PRRC1: variants seen among roughly 807,000 people sequenced by gnomAD.
PRRC1 encodes the protein proline rich coiled-coil 1.
A neutral mutation model predicts 40.7 loss-of-function variants in PRRC1; 39 were observed. The ratio of observed to expected loss-of-function variants is 0.96; its 90% CI spans 0.74 to 1.25. PRRC1 has a LOEUF of 1.25. PRRC1 is among the 50% of genes most tolerant of loss of function. PRRC1 has a pLI of 0.00. For synonymous variants in PRRC1, 175 were observed against 193.3 expected, an observed-to-expected ratio of 0.91 and a Z score of 0.79; for missense variants, 573 against 548.3, an observed-to-expected ratio of 1.05 and a Z score of -0.45.
intron 7 of PRRC1, among the ~76,000 whole-genome samples, chr5:127,539,480 G>A (rs888903143): frequency 6.6e-6 from 1 of 152,024 alleles, no homozygotes; most frequent in Non-Finnish European, 1.5e-5. Context: ...ATTCAAAGTC[G>A]TGGAATATAT....
At chr5:127,529,449 C>T (rs1025601971) in intron 4 of PRRC1, among the ~76,000 whole-genome samples, 2 of 152,058 alleles carry the variant, frequency 1.3e-5, no homozygotes, top group African/African-American at 4.8e-5. Context: ...CCCAGTTCAA[C>T]TCTATAGGTC....
In PRRC1 at chr5:127,553,678, C is replaced by A. The variant is rs435795; in HGVS notation, c.*1762C>A. The A allele has an allele frequency of 7.5e-6, 11 of 1,475,508 alleles. No homozygotes were observed. The highest frequency in any genetic ancestry group is 9.8e-6 in the Non-Finnish European group (11 of 1,119,092). The allele number at this position is 1,475,508 out of a possible 1,614,324, so 91.4% of individuals were successfully genotyped here. On this transcript the variant is annotated 3_prime_UTR_variant, in exon 9 of 9. Transcript: ENST00000296666. ...ACTTTCCCTCCTATTATAAGGAAAT[C>A]TTACAGATTCTAAAAATACCTTAAT... is the stretch of plus-strand genomic sequence containing the variant.
chr5:127,538,960 A>T (rs921626976), intron 6 of PRRC1, 80 bp from the exon 7 acceptor site: 5 of 929,966 alleles, frequency 5.4e-6, no homozygotes, highest in Non-Finnish European at 8.4e-6. Flanking sequence ...AAATGTATGC[A>T]TGTATTGTGT....
At chr5:127,521,619 C>T (rs1243818587) in intron 1 of PRRC1, among the ~76,000 whole-genome samples, 3 of 152,214 alleles carry the variant, frequency 2.0e-5, no homozygotes, top group Non-Finnish European at 2.9e-5. Context: ...TTTTGTGGCA[C>T]CGAAAATTTA....
chr5:127,533,843 A>G lies in PRRC1; in HGVS notation c.921+57A>G, dbSNP rs766377995. On this transcript the variant is annotated intron_variant, in intron 6 of 8. Transcript: ENST00000296666. Reference sequence around the variant, plus strand: ...GAAACTGGCATTTAATTTTTTCACAATTCTGATAATCTGTTGTCTCTATGG... The same window carrying G: ...GAAACTGGCATTTAATTTTTTCACAGTTCTGATAATCTGTTGTCTCTATGG... The G allele has an allele frequency of 5.8e-6, 9 of 1,561,758 alleles. No homozygotes were observed. In the Admixed American group the frequency reaches 6.7e-5, roughly 12 times the overall value.
chr5:127,554,012 G>T lies in PRRC1; in HGVS notation c.*2096G>T, dbSNP rs552313152. ...GGCCCAGAGTTTTTGAAAAGCAGCG[G>T]AGCATGACTGACTTCACATGCTCAG... On this transcript the variant is annotated 3_prime_UTR_variant, in exon 9 of 9. Coordinates refer to ENST00000296666, the MANE Select transcript of PRRC1 (RefSeq NM_130809.5). 9.5e-7 allele frequency: 1 copy of T among 1,047,348 alleles called. No homozygotes were observed. Among genetic ancestry groups the T allele is most frequent in the South Asian group, 1.7e-5 (1 of 57,342 alleles). The allele number at this position is 1,047,348 out of a possible 1,614,324, so 64.9% of individuals were successfully genotyped here. A position where few individuals can be genotyped will look rare whatever the true frequency, so the allele number is the denominator to read the frequency against.
chr5:127,536,258 G>T (rs998429360), intron 6 of PRRC1, among the ~76,000 whole-genome samples: 9 of 151,126 alleles, frequency 6.0e-5, no homozygotes, highest in African/African-American at 2.2e-4. Context: ...TTTAGCAAAG[G>T]TAACTGACGG....
At chr5:127,540,091 A>G (rs1399490021) in intron 7 of PRRC1, among the ~76,000 whole-genome samples, 1 of 152,140 alleles carries the variant, frequency 6.6e-6, no homozygotes, top group Admixed American at 6.5e-5. Context: ...GTCAGTGATT[A>G]TATCAACTTG....
chr5:127,547,387 T>G (rs1395622685), intron 7 of PRRC1, among the ~76,000 whole-genome samples: 1 of 152,076 alleles, frequency 6.6e-6, no homozygotes, highest in African/African-American at 2.4e-5. Flanking sequence ...TATTTTTTAA[T>G]TTGTTAGTAA....
chr5:127,521,529 C>T (rs758143014), intron 1 of PRRC1, among the ~76,000 whole-genome samples: 1 of 152,116 alleles, frequency 6.6e-6, no homozygotes, highest in Non-Finnish European at 1.5e-5. Context: ...CTTGACATTG[C>T]TCCATCTGTG....
intron 7 of PRRC1, 66 bp downstream of exon 7, chr5:127,539,209 T>A: frequency 1.7e-6 from 2 of 1,161,422 alleles, no homozygotes; most frequent in Non-Finnish European, 1.3e-6. Flanking sequence ...ACTGAATACT[T>A]AGCAAAAAGT....
In PRRC1 at chr5:127,553,650, G is replaced by T; in HGVS notation, c.*1734G>T. The stretch of plus-strand genomic sequence containing the variant: ...GCATGTCCTTACTTAAAATAGTTCT[G>T]CTACTTTCCCTCCTATTATAAGGAA... On this transcript the variant is annotated 3_prime_UTR_variant, in exon 9 of 9. Transcript: ENST00000296666. The T allele has an allele frequency of 7.0e-7, 1 of 1,432,080 alleles. No individual in the cohort carries two copies. The highest frequency in any genetic ancestry group is 1.4e-5 in the South Asian group (1 of 69,948). The allele number at this position is 1,432,080 out of a possible 1,614,324, so 88.7% of individuals were successfully genotyped here.
intron 6 of PRRC1, among the ~76,000 whole-genome samples, chr5:127,537,136 G>A (rs1399036973): frequency 6.6e-6 from 1 of 151,478 alleles, no homozygotes; most frequent in Non-Finnish European, 1.5e-5. Flanking sequence ...TATGACTACT[G>A]TTTTATATAG....
In PRRC1 at chr5:127,539,159, T is replaced by G; in HGVS notation, c.1025+16T>G. The G allele has an allele frequency of 6.3e-7, 1 of 1,597,110 alleles. No individual in the cohort carries two copies. On this transcript the variant is annotated intron_variant, in intron 7 of 8. Transcript: ENST00000296666. ...TGCCTGACAAGTAAGTGTATTATGT[T>G]TCTCTTGGAAGCAAAATATAATTGG...
At chr5:127,528,266 C>T (rs1385720075) in intron 4 of PRRC1, among the ~76,000 whole-genome samples, 2 of 152,048 alleles carry the variant, frequency 1.3e-5, no homozygotes, top group Admixed American at 6.6e-5. Flanking sequence ...AGTTCAATTT[C>T]AGGAGTCAGT....
rs761323153 is a variant in PRRC1 at position 127,526,734 on chromosome 5, G to A, written c.610G>A (p.Gly204Ser). ...GCAAGAAGACCCTAGAATTACTAGAGGTCAGGATGAAGCATCTGCTGGTGG... is the reference window on the plus strand; with the variant it reads ...GCAAGAAGACCCTAGAATTACTAGAAGTCAGGATGAAGCATCTGCTGGTGG... ...EEQEDPRITR[G>S]QDEASAGGIW... The change falls in exon 4 of 9, where the codon GGT becomes AGT. Residue 204 changes from glycine (G) to serine (S), a missense_variant. Coordinates refer to ENST00000296666, the MANE Select transcript of PRRC1 (RefSeq NM_130809.5). The A allele has an allele frequency of 6.2e-7, 1 of 1,611,830 alleles. No individual in the cohort carries two copies. Among genetic ancestry groups the A allele is most frequent in the Non-Finnish European group, 8.5e-7 (1 of 1,178,838 alleles).
intron 1 of PRRC1, among the ~76,000 whole-genome samples, chr5:127,520,981 A>G (rs1338855896): frequency 6.6e-6 from 1 of 152,114 alleles, no homozygotes; most frequent in Non-Finnish European, 1.5e-5. Flanking sequence ...TTCCTTCAAA[A>G]CAGTTAAAAC....
Position 127,547,900 on chromosome 5 carries a change from G to T in PRRC1, c.1107G>T (p.Val369=). The change falls in exon 8 of 9, where the codon GTG becomes GTT. Residue 369 remains valine, a synonymous_variant. Transcript: ENST00000296666. ...AAACATTTACACAAGCCACACCAGT[G>T]CCTTTGGAATTTGTACAGCAGGTTG... The part of the protein sequence containing the change: ...HLETFTQATP[V]PLEFVQQAQS... 6.2e-7 allele frequency: 1 copy of T among 1,613,372 alleles called. No individual in the cohort carries two copies. Among genetic ancestry groups the T allele is most frequent in the South Asian group, 1.1e-5 (1 of 91,048 alleles).
intron 4 of PRRC1, among the ~76,000 whole-genome samples, chr5:127,529,754 C>T (rs1767716117): frequency 6.6e-6 from 1 of 151,824 alleles, no homozygotes; most frequent in Non-Finnish European, 1.5e-5. Context: ...TGGGAATGTA[C>T]AAAACAAGAA....
Sources: gnomAD v4.1 joint callset for allele counts (sites outside exome capture counted in the v4.1 genomes callset) on GRCh38, gnomAD v4.1.1 for gene constraint, MANE v1.5 for transcripts, NCBI Gene and HGNC (gene_info 2026-07-23, HGNC 2026-07-21) for gene names.